Variants in COL19A1 observed in about 807,000 individuals in gnomAD.
COL19A1 encodes the protein collagen type XIX alpha 1 chain, also known as collagen alpha-1(XIX) chain.
COL19A1 carries 159 observed loss-of-function variants against 190.2 expected under a neutral mutation model. That is an observed-to-expected ratio of 0.84 (90% CI 0.73 to 0.95). The LOEUF (loss-of-function observed/expected upper bound fraction) is 0.95. Ranked by LOEUF, COL19A1 falls within the 40% of genes least tolerant of loss-of-function variation. The pLI is 0.00. For synonymous variants in COL19A1, 509 were observed against 458.9 expected (o/e 1.11, Z -1.39); for missense variants, 1,418 against 1,431.9 (o/e 0.99, Z 0.16).
chr6:70,144,169 A>G (rs1285711420), intron 23 of COL19A1, 41 bp from the exon 24 acceptor site: 1 of 1,511,224 alleles, frequency 6.6e-7, no homozygotes, highest in East Asian at 2.3e-5. Context: ...ATTGTAAGAG[A>G]TGTTCTCATT....
intron 19 of COL19A1, among the ~76,000 whole-genome samples, chr6:70,140,377 ATTG>A (rs1786169846): frequency 6.6e-6 from 1 of 151,924 alleles, no homozygotes; most frequent in African/African-American, 2.4e-5. Context: ...ATTATTTTTT[ATTG>A]TTTTTCTTTT....
At chr6:69,999,863 G>C (rs1396592610) in intron 11 of COL19A1, among the ~76,000 whole-genome samples, 1 of 152,000 alleles carries the variant, frequency 6.6e-6, no homozygotes, top group Non-Finnish European at 1.5e-5. Flanking sequence ...CACTATATAT[G>C]TATTTTTTTA....
Position 70,208,850 on chromosome 6 carries a change from A to G in COL19A1, c.*1576A>G, listed in dbSNP as rs2127539374. The G allele has an allele frequency of 6.5e-6, 1 of 152,760 alleles. No homozygotes were observed. Among genetic ancestry groups the G allele is most frequent in the South Asian group, 2.1e-4 (1 of 4,828 alleles). 9.5% of individuals were successfully genotyped at this position (152,760 alleles called of 1,614,324 possible). A position where few individuals can be genotyped will look rare whatever the true frequency, so the allele number is the denominator to read the frequency against. ...CTAATTTAAGGCAGGGTTTGTTCCA[A>G]TGCATCCGTGATTTGAACCGGTTTT... is the stretch of plus-strand genomic sequence containing the variant. On this transcript the variant is annotated 3_prime_UTR_variant, in exon 51 of 51. Transcript: ENST00000620364.
At position 70,002,181 on chromosome 6, in the gene COL19A1, A is replaced by T. The variant is rs182317413; in HGVS notation, c.1027-21446A>T. Among the ~76,000 whole-genome samples the T allele has an allele frequency of 2.0e-4, 30 of 152,272 alleles. 1 individual carries two copies. Among genetic ancestry groups the T allele is most frequent in the African/African-American group, 6.3e-4 (26 of 41,562 alleles). On this transcript the variant is annotated intron_variant, in intron 11 of 50. Coordinates refer to ENST00000620364, the MANE Select transcript of COL19A1 (RefSeq NM_001858.6). The stretch of plus-strand genomic sequence containing the variant: ...ATGGATTTCATTTATTGATTTGCAC[A>T]TGTTGAACCAGCCTTGCATCCCAGG...
chr6:70,156,386 T>C lies in COL19A1; in HGVS notation c.2238+17T>C. The C allele has an allele frequency of 6.2e-7, 1 of 1,612,164 alleles. No individual in the cohort carries two copies. The highest frequency in any genetic ancestry group is 2.2e-5 in the East Asian group (1 of 44,824). ...GGACCAAAGGTAAGAAATTCTCTCC[T>C]CCACTTTCCCCTGTGGGAACCTCAA... is the stretch of plus-strand genomic sequence containing the variant. On this transcript the variant is annotated intron_variant, in intron 33 of 50. Transcript: ENST00000620364.
At chr6:69,955,521 AAGTGTG>A (rs1360889304) in intron 9 of COL19A1, among the ~76,000 whole-genome samples, 1 of 129,714 alleles carries the variant, frequency 7.7e-6, no homozygotes, top group Non-Finnish European at 1.6e-5. Context: ...AGCCACAGCA[AAGTGTG>A]TGTGTGTGTG....
In COL19A1 at chr6:70,193,287, G is replaced by A. The variant is rs114339052; in HGVS notation, c.3094+2906G>A. Among the ~76,000 whole-genome samples, 414 of 152,278 alleles carry A rather than the reference G, an allele frequency of 2.7e-3. 1 individual carries two copies. The highest frequency in any genetic ancestry group is 9.5e-3 in the African/African-American group (396 of 41,538). ...GCCATTCTGTGGCTACTCTCATGAA[G>A]GGCTATCAGTCTTCAGAGGAGGCAG... On this transcript the variant is annotated intron_variant, in intron 48 of 50. Transcript: ENST00000620364.
At chr6:69,979,375 A>G (rs1487747033) in intron 11 of COL19A1, among the ~76,000 whole-genome samples, 1 of 151,986 alleles carries the variant, frequency 6.6e-6, no homozygotes, top group Non-Finnish European at 1.5e-5. Context: ...AAGAAGTTAT[A>G]TATATCAACA....
chr6:69,943,103 G>A (rs563359050), intron 9 of COL19A1, among the ~76,000 whole-genome samples: 26 of 152,182 alleles, frequency 1.7e-4, no homozygotes, highest in Non-Finnish European at 2.8e-4. Context: ...ACTAGGGTAA[G>A]ATGATATCTC....
chr6:70,084,370 G>T (rs572962865), intron 15 of COL19A1, among the ~76,000 whole-genome samples: 1 of 152,142 alleles, frequency 6.6e-6, no homozygotes, highest in Admixed American at 6.5e-5. Flanking sequence ...GCCGAATTCT[G>T]CTCCCTCAAT....
At position 69,921,481 on chromosome 6, in the gene COL19A1, T is replaced by TATATATTC. The variant is rs747073634; in HGVS notation, c.267-6421_267-6414dup. 4.6e-3 allele frequency among the ~76,000 whole-genome samples: 399 copies of TATATATTC among 86,402 alleles called. 33 individuals carry two copies. Among genetic ancestry groups the TATATATTC allele is most frequent in the South Asian group, 5.5e-3 (15 of 2,738 alleles). 56.7% of individuals were successfully genotyped at this position (86,402 alleles called of 152,430 possible). On this transcript the variant is annotated intron_variant, in intron 4 of 50. Transcript: ENST00000620364. ...TATATCATATATATTCATATATTCATATATATTCATATATATTCATATATA... is the reference window on the plus strand; with the variant it reads ...TATATCATATATATTCATATATTCATATATATTCATATATTCATATATATTCATATATA...
At chr6:70,006,557 C>T (rs916050837) in intron 11 of COL19A1, among the ~76,000 whole-genome samples, 21 of 152,156 alleles carry the variant, frequency 1.4e-4, no homozygotes, top group Non-Finnish European at 3.1e-4. Flanking sequence ...TCTATGGGAG[C>T]CTCTGATTGC....
In COL19A1 at chr6:70,159,486, A is replaced by G. The variant is rs1364254568; in HGVS notation, c.2293-2414A>G. On this transcript the variant is annotated intron_variant, in intron 34 of 50. Coordinates refer to ENST00000620364, the MANE Select transcript of COL19A1 (RefSeq NM_001858.6). ...ATAAAATTTTGAAGAAAAATATGTC[A>G]ACATTCTTTAACACCAATACACACA... Among the ~76,000 whole-genome samples, 4 of 152,030 alleles carry G rather than the reference A, an allele frequency of 2.6e-5. No homozygotes were observed. The East Asian group carries it at 7.7e-4, about 29-fold the overall frequency.
intron 16 of COL19A1, among the ~76,000 whole-genome samples, chr6:70,114,566 A>G (rs16868567): frequency 0.19 from 29,649 of 152,120 alleles, 3,364 homozygotes; most frequent in Non-Finnish European, 0.26. Flanking sequence ...TTTTGTTATC[A>G]TTATCCTCAT....
At chr6:70,151,763 G>T (rs1340116693) in intron 31 of COL19A1, among the ~76,000 whole-genome samples, 1 of 152,044 alleles carries the variant, frequency 6.6e-6, no homozygotes, top group African/African-American at 2.4e-5. Context: ...TCCTCTGGAG[G>T]AACATCTTTC....
chr6:70,111,572 CA>C (rs1358548548), intron 16 of COL19A1, among the ~76,000 whole-genome samples: 1 of 152,164 alleles, frequency 6.6e-6, no homozygotes, highest in African/African-American at 2.4e-5. Context: ...GCAGGAAAAA[CA>C]TTCTATGGGA....
intron 11 of COL19A1, among the ~76,000 whole-genome samples, chr6:69,990,785 G>A (rs941851489): frequency 6.6e-6 from 1 of 152,044 alleles, no homozygotes; most frequent in African/African-American, 2.4e-5. Context: ...TTCTTTTTGT[G>A]ATGATTGCAG....
At chr6:70,184,769 A>G (rs1000628180) in intron 45 of COL19A1, 31 bp downstream of exon 45, 1 of 1,603,644 alleles carries the variant, frequency 6.2e-7, no homozygotes, top group East Asian at 2.2e-5. Context: ...AATAAAAGTT[A>G]TAATGCATAC....
chr6:69,946,920 G>A (rs1773855019), intron 9 of COL19A1, among the ~76,000 whole-genome samples: 1 of 151,818 alleles, frequency 6.6e-6, no homozygotes, highest in Non-Finnish European at 1.5e-5. Context: ...GTAGGATTTT[G>A]TACATAAAGT....
Sources: gnomAD v4.1 joint callset for allele counts (sites outside exome capture counted in the v4.1 genomes callset) on GRCh38, gnomAD v4.1.1 for gene constraint, MANE v1.5 for transcripts, NCBI Gene and HGNC (gene_info 2026-07-23, HGNC 2026-07-21) for gene names.